The following IPO11 variants were observed in gnomAD, a reference collection of about 807,000 sequenced individuals.
IPO11 encodes importin 11.
A neutral mutation model predicts 143.2 loss-of-function variants in IPO11; 66 were observed. That is an observed-to-expected ratio of 0.46 (90% CI 0.38 to 0.57). The LOEUF is 0.57. Ranked by LOEUF, IPO11 falls within the 20% of genes least tolerant of loss-of-function variation. The pLI is 0.00. For synonymous variants in IPO11, 385 were observed against 377.8 expected (o/e 1.02, Z -0.22); for missense variants, 1,026 against 1,141.0 (o/e 0.90, Z 1.45).
chr5:62,434,458 C>A (rs1250369028), intron 1 of IPO11, among the ~76,000 whole-genome samples: 3 of 151,964 alleles, frequency 2.0e-5, no homozygotes, highest in African/African-American at 7.2e-5. Context: ...GCACACCACA[C>A]CTGGGTAATT....
intron 29 of IPO11, among the ~76,000 whole-genome samples, chr5:62,625,437 T>C (rs940278307): frequency 3.3e-5 from 5 of 152,244 alleles, no homozygotes; most frequent in African/African-American, 9.6e-5. Flanking sequence ...GTGTAGACTT[T>C]AGAAGTGAAT....
intron 12 of IPO11, among the ~76,000 whole-genome samples, chr5:62,487,144 C>G (rs1040198408): frequency 1.3e-5 from 2 of 152,122 alleles, no homozygotes; most frequent in East Asian, 3.9e-4. Context: ...TTTTAAGAAC[C>G]AAACAAATCA....
In IPO11 at chr5:62,551,230, C is replaced by T; in HGVS notation, c.2354C>T (p.Pro785Leu). The T allele has an allele frequency of 6.3e-7, 1 of 1,586,378 alleles. No individual in the cohort carries two copies. Among genetic ancestry groups the T allele is most frequent in the East Asian group, 2.2e-5 (1 of 44,530 alleles). ...TGTATTTTAATTGTACAGAGGTATC[C>T]TGTAGTGATGTCCACGTATCTTGGA... ...FKGIIEGERY[P>L]VVMSTYLGVM... The change falls in exon 26 of 30, where the codon CCT becomes CTT. Residue 785 changes from proline to leucine, a missense_variant. Physicochemically the swap from Pro to Leu is moderately conservative, Grantham distance 98. This residue lies in a region of IPO11 where 351 missense variants were observed against 358.9 expected (regional missense o/e 0.98). Coordinates refer to ENST00000325324, the MANE Select transcript of IPO11 (RefSeq NM_016338.5).
intron 26 of IPO11, chr5:62,560,832 G>GT (rs1225102118): frequency 8.3e-5 from 15 of 179,918 alleles, no homozygotes; most frequent in East Asian, 1.4e-4. Flanking sequence ...AAAAATGCAT[G>GT]TTTTTTTTAA....
intron 9 of IPO11, among the ~76,000 whole-genome samples, chr5:62,479,555 C>G (rs1375910867): frequency 1.3e-5 from 2 of 152,218 alleles, no homozygotes; most frequent in East Asian, 3.8e-4. Context: ...GTCCCACCAA[C>G]AGTGTAAAAG....
At chr5:62,561,547 A>C (rs1743772386) in intron 27 of IPO11, among the ~76,000 whole-genome samples, 2 of 152,140 alleles carry the variant, frequency 1.3e-5, no homozygotes, top group South Asian at 4.1e-4. Context: ...GTTTTATTAG[A>C]CTAATCTTCA....
rs535452813 is a variant in IPO11 at position 62,561,647 on chromosome 5, A to G, written c.2582+390A>G. On this transcript the variant is annotated intron_variant, in intron 27 of 29. Transcript: ENST00000325324. ...ATGTTATAAAGTGTGTTAATTCAAC[A>G]GTATTATTAGTTTTGTTTTCTTTTT... Among the ~76,000 whole-genome samples the G allele has an allele frequency of 1.1e-4, 16 of 152,312 alleles. No homozygotes were observed. The South Asian group carries it at 1.7e-3, about 16-fold the overall frequency.
chr5:62,563,386 G>A (rs1743836384), intron 27 of IPO11, among the ~76,000 whole-genome samples: 1 of 152,122 alleles, frequency 6.6e-6, no homozygotes, highest in African/African-American at 2.4e-5. Context: ...TAGAAATGGT[G>A]GAGGTTAAGT....
intron 29 of IPO11, among the ~76,000 whole-genome samples, chr5:62,624,137 C>T (rs975817777): frequency 4.6e-5 from 7 of 152,048 alleles, no homozygotes; most frequent in African/African-American, 9.7e-5. Flanking sequence ...CGGGTTCAGG[C>T]GATTCTCCTG....
intron 26 of IPO11, among the ~76,000 whole-genome samples, chr5:62,557,185 G>A (rs1172787766): frequency 6.6e-6 from 1 of 151,958 alleles, no homozygotes; most frequent in African/African-American, 2.4e-5. Flanking sequence ...GGATGGTCAT[G>A]AGCTCTTTTT....
At chr5:62,416,580 A>C (rs1743300998) in intron 1 of IPO11, among the ~76,000 whole-genome samples, 1 of 151,968 alleles carries the variant, frequency 6.6e-6, no homozygotes, top group Admixed American at 6.6e-5. Context: ...TTTATCTCCA[A>C]ATACTGAGGG....
At chr5:62,549,446 C>A (rs930179334) in intron 24 of IPO11, among the ~76,000 whole-genome samples, 1 of 152,190 alleles carries the variant, frequency 6.6e-6, no homozygotes, top group African/African-American at 2.4e-5. Flanking sequence ...GATGCTAAAT[C>A]TCCCTCCATG....
intron 7 of IPO11, among the ~76,000 whole-genome samples, chr5:62,473,657 T>A (rs76747479): frequency 1.3e-5 from 2 of 152,312 alleles, no homozygotes; most frequent in African/African-American, 2.4e-5. Flanking sequence ...CCTCATTTGC[T>A]AATTGAGTGT....
intron 28 of IPO11, among the ~76,000 whole-genome samples, chr5:62,595,135 C>G (rs1177972699): frequency 6.6e-6 from 1 of 152,184 alleles, no homozygotes. Context: ...ACTCATTATT[C>G]AGAATCTTTG....
rs533402361 is a variant in IPO11, at chr5:62,434,569, G to T, written c.-6-2705G>T. ...TCTGCCTCAGCCTCCCAAAGTGCTGGGATTAACAGGTGTGAGCCACCACAC... is the reference window on the plus strand; with the variant it reads ...TCTGCCTCAGCCTCCCAAAGTGCTGTGATTAACAGGTGTGAGCCACCACAC... On this transcript the variant is annotated intron_variant, in intron 1 of 29. Transcript: ENST00000325324. Among the ~76,000 whole-genome samples, 114 of 152,168 alleles carry T rather than the reference G, an allele frequency of 7.5e-4. 1 individual carries two copies. The highest frequency in any genetic ancestry group is 1.3e-3 in the Non-Finnish European group (87 of 68,008).
chr5:62,547,970 T>G (rs1167759924), intron 24 of IPO11, among the ~76,000 whole-genome samples: 1 of 152,152 alleles, frequency 6.6e-6, no homozygotes, highest in Admixed American at 6.5e-5. Flanking sequence ...ACAACCACTT[T>G]TAGTGCTTGT....
chr5:62,422,676 G>GT (rs1323387637), intron 1 of IPO11: 1 of 152,174 alleles, frequency 6.6e-6, no homozygotes, highest in African/African-American at 2.4e-5. Context: ...ACTTATTGCA[G>GT]TTTATCAGTG....
At chr5:62,470,418 G>A in intron 7 of IPO11, 110 bp downstream of exon 7, 1 of 935,840 alleles carries the variant, frequency 1.1e-6, no homozygotes, top group African/African-American at 1.6e-5. Context: ...TTTATTAAGT[G>A]ACCATCTAGT....
At chr5:62,426,927 TTC>T (rs1160334498) in intron 1 of IPO11, among the ~76,000 whole-genome samples, 4 of 139,426 alleles carry the variant, frequency 2.9e-5, no homozygotes, top group Admixed American at 1.6e-4. Flanking sequence ...TCTTTTTTCT[TTC>T]TGTTTTTTTT....
Sources: allele counts gnomAD v4.1 joint callset (sites outside exome capture counted in the v4.1 genomes callset), GRCh38; gene constraint gnomAD v4.1.1; regional missense constraint gnomAD v4.1.1; transcripts MANE v1.5; gene names NCBI Gene and HGNC (gene_info 2026-07-23, HGNC 2026-07-21).